Variants in POLA2 observed in about 807,000 individuals in gnomAD.
POLA2 encodes the protein DNA polymerase alpha 2, accessory subunit.
Under a neutral mutation model 82.8 loss-of-function variants are expected in POLA2, and 47 were observed. That is an observed-to-expected ratio of 0.57 (90% CI 0.45 to 0.72). POLA2 has a LOEUF of 0.72. Ranked by LOEUF, POLA2 falls within the 30% of genes least tolerant of loss-of-function variation. The pLI is 0.00. For missense variants in POLA2, 634 were observed against 728.1 expected (o/e 0.87, Z 1.49); for synonymous variants, 287 against 286.8 (o/e 1.00, Z -0.01).
chr11:65,284,532 C>CTT (rs557117870), intron 10 of POLA2, among the ~76,000 whole-genome samples: 6 of 134,260 alleles, frequency 4.5e-5, no homozygotes, highest in Admixed American at 1.5e-4. Context: ...TTTTTTTTTT[C>CTT]TTTTTTTTTT....
intron 3 of POLA2, 26 bp from the exon 4 acceptor site, chr11:65,268,642 ATTAT>A: frequency 6.7e-7 from 1 of 1,488,224 alleles, no homozygotes. Context: ...GTGCCCAGCC[ATTAT>A]TGTTTTTCTT....
At chr11:65,274,594 C>T (rs1243549452) in intron 4 of POLA2, among the ~76,000 whole-genome samples, 1 of 151,138 alleles carries the variant, frequency 6.6e-6, no homozygotes, top group Non-Finnish European at 1.5e-5. Flanking sequence ...GCAGCAGCAT[C>T]GCTTGAACCC....
intron 4 of POLA2, among the ~76,000 whole-genome samples, chr11:65,270,182 T>C (rs1265131231): frequency 6.6e-6 from 1 of 152,030 alleles, no homozygotes; most frequent in Non-Finnish European, 1.5e-5. Context: ...TTCATAAACA[T>C]GGAGGGAGCC....
In POLA2 at chr11:65,295,567, C is replaced by G; in HGVS notation, c.1488C>G (p.Ser496Arg). ...SSSSGTSDRFSRILKHILTQR... is the reference protein window; with the variant it reads ...SSSSGTSDRFRRILKHILTQR... ...CTTCCGGAACTTCAGACAGATTCAG[C>G]CGAATACTCAAGCACATCTTGACCC... Residue 496 changes from serine to arginine, a missense_variant, in exon 16 of 18, where the codon AGC becomes AGG. By Grantham distance (110) the Ser-to-Arg change is moderately radical (BLOSUM62 -1). Transcript: ENST00000265465. The G allele has an allele frequency of 6.2e-7, 1 of 1,613,918 alleles. No homozygotes were observed. Among genetic ancestry groups the G allele is most frequent in the Non-Finnish European group, 8.5e-7 (1 of 1,179,910 alleles).
chr11:65,273,483 G>T (rs1333383679), intron 4 of POLA2, among the ~76,000 whole-genome samples: 1 of 152,180 alleles, frequency 6.6e-6, no homozygotes, highest in Non-Finnish European at 1.5e-5. Flanking sequence ...ACCAGACTGT[G>T]CCTTGTTTAC....
chr11:65,280,944 T>A, intron 7 of POLA2, 48 bp from the exon 8 acceptor site: 1 of 1,587,770 alleles, frequency 6.3e-7, no homozygotes, highest in Non-Finnish European at 8.6e-7. Flanking sequence ...GATTTTGAGC[T>A]CCTGCTCCAA....
intron 1 of POLA2, among the ~76,000 whole-genome samples, chr11:65,265,161 G>A (rs1949445234): frequency 6.6e-6 from 1 of 151,862 alleles, no homozygotes; most frequent in African/African-American, 2.4e-5. Flanking sequence ...TCGGGGAGGT[G>A]GAGGTTGCAA....
chr11:65,282,991 G>A lies in POLA2; in HGVS notation c.1006+470G>A, dbSNP rs535512809. ...TAAAAATTAAAAAAAATATTAGCTGGGCTTGTGGTGCATGCCTGTAGTCCT... is the reference window on the plus strand; with the variant it reads ...TAAAAATTAAAAAAAATATTAGCTGAGCTTGTGGTGCATGCCTGTAGTCCT... On this transcript the variant is annotated intron_variant, in intron 10 of 17. Coordinates refer to ENST00000265465, the MANE Select transcript of POLA2 (RefSeq NM_002689.4). Among the ~76,000 whole-genome samples the A allele has an allele frequency of 4.3e-4, 66 of 152,094 alleles. 1 individual carries two copies. In the South Asian group the frequency reaches 0.013, roughly 31 times the overall value.
chr11:65,287,600 C>T (rs376265280), intron 10 of POLA2, 116 bp from the exon 11 acceptor site: 5 of 906,214 alleles, frequency 5.5e-6, no homozygotes, highest in African/African-American at 5.0e-5. Context: ...CCCAGAGTTT[C>T]ACACATAAAG....
downstream of POLA2, among the ~76,000 whole-genome samples, chr11:65,302,002 G>A (rs1352557782): frequency 6.6e-6 from 1 of 152,146 alleles, no homozygotes; most frequent in Non-Finnish European, 1.5e-5. Flanking sequence ...TCTTCCCGGG[G>A]CTCTAGGCTC....
intron 4 of POLA2, among the ~76,000 whole-genome samples, chr11:65,274,821 T>C (rs531643246): frequency 6.6e-6 from 1 of 152,338 alleles, no homozygotes; most frequent in South Asian, 2.1e-4. Context: ...TTTGTGTATT[T>C]GTAATCTTAA....
intron 9 of POLA2, 82 bp downstream of exon 9, chr11:65,281,814 C>A: frequency 1.8e-6 from 2 of 1,105,848 alleles, no homozygotes; most frequent in Non-Finnish European, 2.8e-6. Flanking sequence ...GAAACTGGTC[C>A]TTTTTAGGAG....
intron 5 of POLA2, among the ~76,000 whole-genome samples, chr11:65,276,630 G>A (rs1445825882): frequency 6.6e-6 from 1 of 152,058 alleles, no homozygotes; most frequent in Non-Finnish European, 1.5e-5. Flanking sequence ...ATAGGCAAGT[G>A]CTCTGCTGAG....
At chr11:65,267,813 T>G (rs3015998) in intron 3 of POLA2, among the ~76,000 whole-genome samples, 1 of 151,878 alleles carries the variant, frequency 6.6e-6, no homozygotes, top group African/African-American at 2.4e-5. Context: ...TTTTTTGAGT[T>G]GGAGTTTCGC....
At chr11:65,288,505 G>GTT (rs796257357) in intron 11 of POLA2, among the ~76,000 whole-genome samples, 21 of 98,214 alleles carry the variant, frequency 2.1e-4, no homozygotes, top group South Asian at 7.9e-4. Flanking sequence ...TTGTTCGTTT[G>GTT]TTTTTTGTTT....
intron 6 of POLA2, among the ~76,000 whole-genome samples, chr11:65,279,132 G>A (rs976116902): frequency 2.0e-5 from 3 of 152,142 alleles, no homozygotes; most frequent in Non-Finnish European, 4.4e-5. Flanking sequence ...TTGCTAAAAC[G>A]CACATAACCA....
At chr11:65,267,228 C>T (rs1175780918) in intron 2 of POLA2, among the ~76,000 whole-genome samples, 1 of 152,002 alleles carries the variant, frequency 6.6e-6, no homozygotes, top group African/African-American at 2.4e-5. Context: ...TGAGAATGGA[C>T]ATAAAGCACT....
At chr11:65,284,646 C>T (rs899511071) in intron 10 of POLA2, among the ~76,000 whole-genome samples, 4 of 151,984 alleles carry the variant, frequency 2.6e-5, no homozygotes, top group African/African-American at 9.7e-5. Context: ...CTGCCTTAGC[C>T]TCCCAAGTAG....
At chr11:65,287,306 G>A (rs1314443979) in intron 10 of POLA2, among the ~76,000 whole-genome samples, 1 of 152,094 alleles carries the variant, frequency 6.6e-6, no homozygotes, top group Non-Finnish European at 1.5e-5. Flanking sequence ...ACATTCTCCA[G>A]CCACACTGGA....
Sources: allele counts gnomAD v4.1 joint callset (sites outside exome capture counted in the v4.1 genomes callset), GRCh38; gene constraint gnomAD v4.1.1; transcripts MANE v1.5; gene names NCBI Gene and HGNC (gene_info 2026-07-23, HGNC 2026-07-21).